The following CALCOCO2 variants were observed in gnomAD, a reference collection of about 807,000 sequenced individuals.
CALCOCO2 encodes calcium-binding and coiled-coil domain-containing protein 2.
In CALCOCO2, 42 loss-of-function variants were observed where a neutral mutation model predicts 62.5. The observed-to-expected ratio is 0.67, with a 90% CI of 0.53 to 0.87. The LOEUF is 0.87. Among genes scored for constraint, CALCOCO2 ranks in the 40% least tolerant of loss-of-function variants. The pLI, the probability that CALCOCO2 is intolerant of heterozygous loss-of-function variation, is 0.00. For synonymous variants in CALCOCO2, 167 were observed against 173.0 expected (o/e 0.97, Z 0.27); for missense variants, 456 against 515.0 (o/e 0.89, Z 1.11).
intron 1 of CALCOCO2, among the ~76,000 whole-genome samples, chr17:48,836,758 CT>C (rs762035927): frequency 0.016 from 1,976 of 122,358 alleles, 33 homozygotes; most frequent in African/African-American, 0.053. Flanking sequence ...GGAAGTCACT[CT>C]TTTTTTTTTT....
rs746140367 is a variant in CALCOCO2 at position 48,864,518 on chromosome 17, A to G, written c.*1513A>G. 6.5e-6 allele frequency: 1 copy of G among 153,108 alleles called. No individual in the cohort carries two copies. The highest frequency in any genetic ancestry group is 1.5e-5 in the Non-Finnish European group (1 of 68,214). 9.5% of individuals were successfully genotyped at this position (153,108 alleles called of 1,614,324 possible). A position where few individuals can be genotyped will look rare whatever the true frequency, so the allele number is the denominator to read the frequency against. On this transcript the variant is annotated 3_prime_UTR_variant, in exon 13 of 13. Transcript: ENST00000258947. Reference sequence around the variant, plus strand: ...TAATAATTCCATTTTCTATCCCCTCAGGGACTGAACAAATGGAAATAACTC... The same window carrying G: ...TAATAATTCCATTTTCTATCCCCTCGGGGACTGAACAAATGGAAATAACTC...
intron 4 of CALCOCO2, chr17:48,848,889 A>C: frequency 2.1e-6 from 1 of 478,046 alleles, no homozygotes; most frequent in East Asian, 6.4e-5. Flanking sequence ...TTCATCCAGC[A>C]CTATGGTAGG....
At position 48,851,596 on chromosome 17, in the gene CALCOCO2, G is replaced by T; in HGVS notation, c.670G>T (p.Glu224Ter). 1.2e-6 allele frequency: 2 copies of T among 1,603,600 alleles called. No homozygotes were observed. The highest frequency in any genetic ancestry group is 2.2e-5 in the South Asian group (2 of 90,872). The change falls in exon 7 of 13, where the codon GAG becomes TAG. Residue 224 changes from glutamate (E) to a stop codon, truncating the protein, a stop_gained. Transcript: ENST00000258947. LOFTEE classifies it high-confidence loss of function. ...EQNQKMSSEN[E>*]KMGIRVDQLQ... is the part of the protein sequence containing the mutation. ...AAACCAGAAGATGTCCTCAGAAAAT[G>T]AGAAGATGGGAATCAGAGTGGATCA...
intron 2 of CALCOCO2, among the ~76,000 whole-genome samples, chr17:48,846,923 T>G: frequency 6.6e-6 from 1 of 152,214 alleles, no homozygotes; most frequent in Non-Finnish European, 1.5e-5. Flanking sequence ...CTGGTGTGCT[T>G]TTATTTTCTA....
rs540603591 is a variant in CALCOCO2, at chr17:48,834,054, C to CTGCAA, written c.-11+2980_-11+2981insATGCA. 7.9e-4 allele frequency among the ~76,000 whole-genome samples: 112 copies of CTGCAA among 141,520 alleles called. 1 individual carries two copies. In the Middle Eastern group the frequency reaches 0.031, roughly 39 times the overall value. The allele number at this position is 141,520 out of a possible 152,430, so 92.8% of individuals were successfully genotyped here. ...ATTGCTTGAGCCAGGGATGTCAAGG[C>CTGCAA]TGCAGTGAGCCACATTCATGCCATT... is the stretch of plus-strand genomic sequence containing the variant. On this transcript the variant is annotated intron_variant, in intron 1 of 12. Coordinates refer to ENST00000258947, the MANE Select transcript of CALCOCO2 (RefSeq NM_005831.5).
At chr17:48,834,140 A>G (rs1475384038) in intron 1 of CALCOCO2, among the ~76,000 whole-genome samples, 1 of 148,550 alleles carries the variant, frequency 6.7e-6, no homozygotes, top group African/African-American at 2.5e-5. Flanking sequence ...AAGCAAGAGC[A>G]GAAGTAGAAC....
intron 1 of CALCOCO2, among the ~76,000 whole-genome samples, chr17:48,838,235 G>A (rs898847734): frequency 6.6e-6 from 1 of 152,090 alleles, no homozygotes; most frequent in African/African-American, 2.4e-5. Flanking sequence ...TCACAAAACA[G>A]GATAGGGATT....
chr17:48,846,973 G>A (rs931515369), intron 2 of CALCOCO2, among the ~76,000 whole-genome samples: 1 of 152,086 alleles, frequency 6.6e-6, no homozygotes, highest in African/African-American at 2.4e-5. Context: ...TCACATTTGT[G>A]AGAATATTTT....
Position 48,851,107 on chromosome 17 carries a change from C to A in CALCOCO2, c.562C>A (p.Gln188Lys). 3 of 1,604,278 alleles carry A rather than the reference C, an allele frequency of 1.9e-6. No individual in the cohort carries two copies. The highest frequency in any genetic ancestry group is 8.5e-7 in the Non-Finnish European group (1 of 1,171,148). ...QKKQEELETL[Q>K]SINKKLELKV... ...TCTATAGGAGGAGCTAGAAACCCTA[C>A]AGAGCATCAATAAGAAGTTGGAACT... Residue 188 changes from glutamine (Q) to lysine (K), a missense_variant, in exon 6 of 13, where the codon CAG becomes AAG. Coordinates refer to ENST00000258947, the MANE Select transcript of CALCOCO2 (RefSeq NM_005831.5).
At position 48,848,399 on chromosome 17, in the gene CALCOCO2, ATTCC is replaced by A; in HGVS notation, c.364_367del (p.Pro122SerfsTer37). Reference sequence around the variant, plus strand: ...GGATGGTGTGGTCCGGGGAGCAAGTATTCCTTTCCAATTCCGTCCAGAAAATGAG... The same window carrying A: ...GGATGGTGTGGTCCGGGGAGCAAGTATTTCCAATTCCGTCCAGAAAATGAG... On this transcript the variant is annotated frameshift_variant, in exon 4 of 13. Coordinates refer to ENST00000258947, the MANE Select transcript of CALCOCO2 (RefSeq NM_005831.5). LOFTEE classifies it high-confidence loss of function. The A allele has an allele frequency of 1.2e-6, 2 of 1,613,904 alleles. No individual in the cohort carries two copies. Among genetic ancestry groups the A allele is most frequent in the Non-Finnish European group, 1.7e-6 (2 of 1,179,784 alleles).
At position 48,856,147 on chromosome 17, in the gene CALCOCO2, C is replaced by A. The variant is rs746013537; in HGVS notation, c.968C>A (p.Ala323Asp). Reference protein sequence around the residue: ...RLSENEIICNALQRQKERLEG... With the variant: ...RLSENEIICNDLQRQKERLEG... Reference sequence around the variant, plus strand: ...AGTGAGAACGAAATTATATGTAATGCTCTGCAGAGACAGAAAGAGAGATTG... The same window carrying A: ...AGTGAGAACGAAATTATATGTAATGATCTGCAGAGACAGAAAGAGAGATTG... The change falls in exon 10 of 13, where the codon GCT becomes GAT. Residue 323 changes from alanine (A) to aspartate (D), a missense_variant. By Grantham distance (126) the Ala-to-Asp change is moderately radical. Transcript: ENST00000258947. The A allele has an allele frequency of 4.4e-6, 7 of 1,603,946 alleles. No individual in the cohort carries two copies. The East Asian group carries it at 1.3e-4, about 31-fold the overall frequency.
intron 5 of CALCOCO2, among the ~76,000 whole-genome samples, chr17:48,850,315 G>C (rs1015268554): frequency 6.8e-6 from 1 of 147,520 alleles, no homozygotes; most frequent in Non-Finnish European, 1.5e-5. Context: ...AAATTAGCCA[G>C]GCATGGTGGC....
At chr17:48,860,186 C>A in intron 10 of CALCOCO2, 128 bp from the exon 11 acceptor site, 1 of 659,906 alleles carries the variant, frequency 1.5e-6, no homozygotes, top group South Asian at 2.0e-5. Flanking sequence ...TATGGATTAT[C>A]AATTATTGAG....
chr17:48,843,432 C>T (rs1289987941), intron 2 of CALCOCO2, among the ~76,000 whole-genome samples: 2 of 152,172 alleles, frequency 1.3e-5, no homozygotes, highest in Non-Finnish European at 2.9e-5. Flanking sequence ...CAGTGCTATT[C>T]ATCCTGAAAT....
chr17:48,836,514 T>C (rs987894621), intron 1 of CALCOCO2, among the ~76,000 whole-genome samples: 2 of 152,240 alleles, frequency 1.3e-5, no homozygotes, highest in Non-Finnish European at 2.9e-5. Context: ...TTAGTTCATT[T>C]ATCCAACAAA....
At chr17:48,857,973 TCAATA>T (rs758302150) in intron 10 of CALCOCO2, among the ~76,000 whole-genome samples, 12,701 of 59,736 alleles carry the variant, frequency 0.21, 1,388 homozygotes, top group African/African-American at 0.36. Context: ...CAAGACTACA[TCAATA>T]GAATAGAATA....
intron 1 of CALCOCO2, among the ~76,000 whole-genome samples, chr17:48,834,106 CAAAAAAA>C (rs59633969): frequency 8.5e-4 from 59 of 69,804 alleles, no homozygotes; most frequent in Admixed American, 4.6e-3. Flanking sequence ...GACCCTATGT[CAAAAAAA>C]AAAAAAAAAA....
chr17:48,834,860 C>T (rs974952843), intron 1 of CALCOCO2, among the ~76,000 whole-genome samples: 1 of 152,084 alleles, frequency 6.6e-6, no homozygotes, highest in Admixed American at 6.6e-5. Flanking sequence ...CCAGCCTGGG[C>T]AACATAGGGA....
At chr17:48,841,635 A>C in intron 1 of CALCOCO2, 63 bp from the exon 2 acceptor site, 1 of 1,210,912 alleles carries the variant, frequency 8.3e-7, no homozygotes, top group South Asian at 1.7e-5. Context: ...ATGAAAGCCC[A>C]GAAATCACCA....
Sources: allele counts gnomAD v4.1 joint callset (sites outside exome capture counted in the v4.1 genomes callset), GRCh38; gene constraint gnomAD v4.1.1; transcripts MANE v1.5; gene names NCBI Gene and HGNC (gene_info 2026-07-23, HGNC 2026-07-21).